Variants in PRRC2B observed in about 807,000 individuals in gnomAD.
PRRC2B encodes the protein proline rich coiled-coil 2B, also known as protein PRRC2B.
A neutral mutation model predicts 242.3 loss-of-function variants in PRRC2B; 68 were observed. The ratio of observed to expected loss-of-function variants is 0.28; its 90% CI spans 0.23 to 0.34. PRRC2B has a LOEUF of 0.34. Among genes scored for constraint, PRRC2B ranks in the 10% least tolerant of loss-of-function variants. The probability of loss-of-function intolerance (pLI) is 1.00; values close to 1 mark genes in which losing one functional copy is unlikely to be tolerated. For missense variants in PRRC2B, 2,835 were observed against 2,954.8 expected, an observed-to-expected ratio of 0.96 and a Z score of 0.94; for synonymous variants, 1,228 against 1,173.6, an observed-to-expected ratio of 1.05 and a Z score of -0.95.
At chr9:131,391,337 G>C (rs1031189628), upstream of PRRC2B, among the ~76,000 whole-genome samples, 1 of 151,916 alleles carries the variant, frequency 6.6e-6, no homozygotes, top group African/African-American at 2.4e-5. Flanking sequence ...TCATTCCTTT[G>C]TCAGTCAATA....
At position 131,482,352 on chromosome 9, in the gene PRRC2B, C is replaced by T; in HGVS notation, c.4984-19C>T. The T allele has an allele frequency of 1.3e-6, 2 of 1,542,596 alleles. No homozygotes were observed. Among genetic ancestry groups the T allele is most frequent in the Non-Finnish European group, 1.8e-6 (2 of 1,140,278 alleles). On this transcript the variant is annotated intron_variant, in intron 20 of 31. Transcript: ENST00000683519. This position sits in a 1 kb window ranked among gnomAD's most constrained non-coding sequence, Gnocchi z 5.2. Reference sequence around the variant, plus strand: ...GAGTTGGGAGTTTGAGGCTATAACCCATTTTGTGCTCTGCACAGCAGGGTT... The same window carrying T: ...GAGTTGGGAGTTTGAGGCTATAACCTATTTTGTGCTCTGCACAGCAGGGTT...
chr9:131,490,722 T>C (rs45538742), intron 28 of PRRC2B: 22,079 of 405,686 alleles, frequency 0.054, 725 homozygotes, highest in Middle Eastern at 0.079. Flanking sequence ...ACCCCCACAG[T>C]CTGGAATCCA....
intron 5 of PRRC2B, among the ~76,000 whole-genome samples, chr9:131,440,523 C>T (rs1165652004): frequency 6.6e-6 from 1 of 152,096 alleles, no homozygotes; most frequent in Admixed American, 6.6e-5. Flanking sequence ...CGCTGCCTGG[C>T]AAAATAATAA....
At chr9:131,473,959 C>T (rs1337911873) in intron 15 of PRRC2B, among the ~76,000 whole-genome samples, 1 of 152,136 alleles carries the variant, frequency 6.6e-6, no homozygotes, top group Admixed American at 6.5e-5. Flanking sequence ...GTCCCGGGGT[C>T]CTCAAATCCT....
rs1282957997 is a variant in PRRC2B, at chr9:131,461,954, A to G, written c.1404+2598A>G. Among the ~76,000 whole-genome samples, 5 of 152,250 alleles carry G rather than the reference A, an allele frequency of 3.3e-5. No individual in the cohort carries two copies. The East Asian group carries it at 9.6e-4, about 29-fold the overall frequency. On this transcript the variant is annotated intron_variant, in intron 11 of 31. Transcript: ENST00000683519. ...TACATATGTGCTGGGTACAAGAGAT[A>G]CAGAAGTGAAACAAAATAGACACAA...
chr9:131,389,305 G>A (rs531618413), upstream of PRRC2B, among the ~76,000 whole-genome samples: 1 of 148,938 alleles, frequency 6.7e-6, no homozygotes, highest in Non-Finnish European at 1.5e-5. Context: ...ACAGGCATGC[G>A]CCACCATGCC....
intron 1 of PRRC2B, among the ~76,000 whole-genome samples, chr9:131,394,787 G>A (rs887504870): frequency 6.6e-6 from 1 of 151,874 alleles, no homozygotes; most frequent in Non-Finnish European, 1.5e-5. Flanking sequence ...CTGGCGCGGG[G>A]TGGGCCGGGC....
chr9:131,460,870 C>T (rs1400394353), intron 11 of PRRC2B, among the ~76,000 whole-genome samples: 1 of 152,116 alleles, frequency 6.6e-6, no homozygotes, highest in Non-Finnish European at 1.5e-5. Flanking sequence ...ATTTAGAAAC[C>T]AGTGTCTGAG....
At chr9:131,413,289 C>T (rs1837552558) in intron 1 of PRRC2B, among the ~76,000 whole-genome samples, 1 of 152,124 alleles carries the variant, frequency 6.6e-6, no homozygotes, top group Non-Finnish European at 1.5e-5. Context: ...AGTTCCTAGC[C>T]AATCGGGACA....
At chr9:131,418,862 T>G (rs1397068605) in intron 1 of PRRC2B, among the ~76,000 whole-genome samples, 1 of 152,150 alleles carries the variant, frequency 6.6e-6, no homozygotes, top group East Asian at 1.9e-4. Context: ...AAATGGGAAG[T>G]CAAAACACAG....
At chr9:131,406,479 G>A (rs773905416) in intron 1 of PRRC2B, among the ~76,000 whole-genome samples, 1 of 152,190 alleles carries the variant, frequency 6.6e-6, no homozygotes, top group Non-Finnish European at 1.5e-5. Context: ...CTGCAAGGGA[G>A]ACTGCAGCTG....
At chr9:131,399,837 AT>A (rs1837181321) in intron 1 of PRRC2B, among the ~76,000 whole-genome samples, 6 of 152,284 alleles carry the variant, frequency 3.9e-5, no homozygotes, top group Admixed American at 2.0e-4. Context: ...CGGATATGCC[AT>A]AATTTATTGA....
At chr9:131,394,956 T>TG (rs55909039) in intron 1 of PRRC2B, among the ~76,000 whole-genome samples, 1 of 143,198 alleles carries the variant, frequency 7.0e-6, no homozygotes, top group African/African-American at 2.7e-5. Flanking sequence ...GCCTGCCAGA[T>TG]GGGGTTTTTT....
intron 12 of PRRC2B, among the ~76,000 whole-genome samples, chr9:131,466,912 C>T (rs4740246): frequency 0.94 from 142,535 of 151,880 alleles, 67,286 homozygotes; most frequent in East Asian, 1. Flanking sequence ...TGCCATTCTC[C>T]TGCCTCAGCC....
At chr9:131,478,649 G>GGC in intron 18 of PRRC2B, 30 bp downstream of exon 18, 11 of 504,540 alleles carry the variant, frequency 2.2e-5, no homozygotes, top group East Asian at 1.5e-4. Context: ...GGGGCATGGG[G>GGC]CTGGAGGGCA....
At position 131,495,947 on chromosome 9, in the gene PRRC2B, T is replaced by G; in HGVS notation, c.*73T>G. The G allele has an allele frequency of 6.4e-7, 1 of 1,562,684 alleles. No individual in the cohort carries two copies. The highest frequency in any genetic ancestry group is 8.7e-7 in the Non-Finnish European group (1 of 1,149,722). ...CATGCGGCCTCGACACAGCCGACAC[T>G]CGGGAGCCTCACCAGATCCACCGTC... On this transcript the variant is annotated 3_prime_UTR_variant, in exon 32 of 32. Coordinates refer to ENST00000683519, the MANE Select transcript of PRRC2B (RefSeq NM_013318.4).
intron 1 of PRRC2B, among the ~76,000 whole-genome samples, chr9:131,404,705 A>G (rs1837320277): frequency 6.6e-6 from 1 of 152,208 alleles, no homozygotes; most frequent in African/African-American, 2.4e-5. Flanking sequence ...ACGTGATAAA[A>G]TGTCTCAGCG....
chr9:131,465,137 T>G, intron 12 of PRRC2B, 59 bp downstream of exon 12: 3 of 1,497,630 alleles, frequency 2.0e-6, no homozygotes. Context: ...CCTCGTCTTG[T>G]TACTTGCAAC....
intron 1 of PRRC2B, among the ~76,000 whole-genome samples, chr9:131,403,144 C>T (rs1275194201): frequency 6.6e-6 from 1 of 152,146 alleles, no homozygotes; most frequent in Non-Finnish European, 1.5e-5. Context: ...CAGGCCAGGG[C>T]AGAAAGCACA....
Sources: allele counts gnomAD v4.1 joint callset (sites outside exome capture counted in the v4.1 genomes callset), GRCh38; gene constraint gnomAD v4.1.1; non-coding constraint Gnocchi (gnomAD v3.1); transcripts MANE v1.5; gene names NCBI Gene and HGNC (gene_info 2026-07-23, HGNC 2026-07-21).